ANKLE2: variants seen among roughly 807,000 people sequenced by gnomAD.
ANKLE2 encodes the protein ankyrin repeat and LEM domain containing 2, also known as ankyrin repeat and LEM domain-containing protein 2.
In ANKLE2, 55 loss-of-function variants were observed where a neutral mutation model predicts 84.2. The observed-to-expected ratio is 0.65, with a 90% CI of 0.53 to 0.82. The LOEUF (loss-of-function observed/expected upper bound fraction) is 0.82. Ranked by LOEUF, ANKLE2 falls within the 40% of genes least tolerant of loss-of-function variation. The probability of loss-of-function intolerance (pLI) is 0.00; values close to 1 mark genes in which losing one functional copy is unlikely to be tolerated. For synonymous variants in ANKLE2, 551 were observed against 486.1 expected (o/e 1.13, Z -1.76); for missense variants, 1,238 against 1,201.9 (o/e 1.03, Z -0.44).
chr12:132,728,582 A>AG (rs2136100717), intron 11 of ANKLE2, among the ~76,000 whole-genome samples: 1 of 152,364 alleles, frequency 6.6e-6, no homozygotes, highest in Admixed American at 6.5e-5. Flanking sequence ...ACAGTGTGCA[A>AG]GGATCGATCT....
intron 1 of ANKLE2, 200 bp downstream of exon 1, chr12:132,761,418 C>T (rs1034917055): frequency 4.9e-6 from 2 of 405,350 alleles, no homozygotes; most frequent in East Asian, 4.3e-5. Flanking sequence ...GGCCCCTCCG[C>T]CCCCGGCCCG....
intron 12 of ANKLE2, among the ~76,000 whole-genome samples, chr12:132,727,652 G>T (rs1178673968): frequency 6.6e-6 from 1 of 151,000 alleles, no homozygotes; most frequent in African/African-American, 2.4e-5. Context: ...CCGGGCGGAG[G>T]AGACACACTG....
At position 132,735,403 on chromosome 12, in the gene ANKLE2, T is replaced by C; in HGVS notation, c.1700+3A>G. The C allele has an allele frequency of 1.2e-6, 2 of 1,613,852 alleles. No homozygotes were observed. The highest frequency in any genetic ancestry group is 1.1e-5 in the South Asian group (1 of 91,078). On this transcript the variant is annotated splice_donor_region_variant and intron_variant, in intron 9 of 12. Transcript: ENST00000357997. Reference sequence around the variant, plus strand: ...ACGCTGCTGCGGCTCAGCCTTTCAGTACCTTCCCACTCTCTCAAAGCCTCT... The same window carrying C: ...ACGCTGCTGCGGCTCAGCCTTTCAGCACCTTCCCACTCTCTCAAAGCCTCT...
At position 132,743,467 on chromosome 12, in the gene ANKLE2, G is replaced by A. The variant is rs1235161417; in HGVS notation, c.1231-191C>T. On this transcript the variant is annotated intron_variant, in intron 5 of 12. Coordinates refer to ENST00000357997, the MANE Select transcript of ANKLE2 (RefSeq NM_015114.3). This position sits in a 1 kb window ranked among gnomAD's most constrained non-coding sequence, Gnocchi z 4.1. ...CGATTCTCCTGCCTCAGGCTCCCCAGTACCTGGGACTACAGGCACCCGCCA... is the reference window on the plus strand; with the variant it reads ...CGATTCTCCTGCCTCAGGCTCCCCAATACCTGGGACTACAGGCACCCGCCA... Among the ~76,000 whole-genome samples, 1 of 150,798 alleles carries A rather than the reference G, an allele frequency of 6.6e-6. No homozygotes were observed. Among genetic ancestry groups the A allele is most frequent in the African/African-American group, 2.4e-5 (1 of 41,034 alleles).
intron 7 of ANKLE2, 119 bp downstream of exon 7, chr12:132,741,300 G>T: frequency 2.1e-6 from 2 of 962,598 alleles, no homozygotes; most frequent in Non-Finnish European, 1.6e-6. Flanking sequence ...AGAGGCTTCC[G>T]AGGGGAGCCG....
intron 7 of ANKLE2, among the ~76,000 whole-genome samples, chr12:132,739,451 C>G (rs1433951757): frequency 6.6e-6 from 1 of 152,172 alleles, no homozygotes; most frequent in African/African-American, 2.4e-5. Flanking sequence ...TTTTTTCCCT[C>G]TTTCAGTGGC....
At chr12:132,761,410 C>A (rs2044622095) in intron 1 of ANKLE2, 2 of 380,482 alleles carry the variant, frequency 5.3e-6, no homozygotes, top group Non-Finnish European at 8.9e-6. Context: ...CCCGGCGTGG[C>A]CCCTCCGCCC....
At chr12:132,755,556 A>AG (rs2044462161) in intron 1 of ANKLE2, 1 of 153,478 alleles carries the variant, frequency 6.5e-6, no homozygotes, top group African/African-American at 2.4e-5. Flanking sequence ...AAAAAAAAAA[A>AG]AAGAATTTTT....
At chr12:132,753,498 G>C (rs1185618948) in intron 2 of ANKLE2, among the ~76,000 whole-genome samples, 1 of 152,150 alleles carries the variant, frequency 6.6e-6, no homozygotes, top group African/African-American at 2.4e-5. Context: ...GGGCGTGATG[G>C]CTCACACCTG....
chr12:132,758,939 ATCACGCAGT>A (rs1566041457), intron 1 of ANKLE2: 5 of 130,500 alleles, frequency 3.8e-5, no homozygotes, highest in Non-Finnish European at 6.6e-5. Flanking sequence ...GGCAGAGTGG[ATCACGCAGT>A]GTGGCACCCC....
chr12:132,759,347 T>C (rs969957804), intron 1 of ANKLE2: 2 of 152,174 alleles, frequency 1.3e-5, no homozygotes, highest in Non-Finnish European at 2.9e-5. Flanking sequence ...ACATTAAATA[T>C]GGGTTTTTGT....
intron 12 of ANKLE2, 89 bp from the exon 13 acceptor site, chr12:132,727,532 G>T: frequency 6.8e-7 from 1 of 1,466,936 alleles, no homozygotes. Context: ...CCAGACTCAG[G>T]CACATGCGCC....
At chr12:132,749,559 C>T (rs1157951000) in intron 3 of ANKLE2, among the ~76,000 whole-genome samples, 1 of 152,220 alleles carries the variant, frequency 6.6e-6, no homozygotes, top group African/African-American at 2.4e-5. Context: ...CCAGGAAGCA[C>T]CTGTATAAGG....
intron 10 of ANKLE2, chr12:132,731,541 C>G (rs988913497): frequency 6.6e-6 from 1 of 151,544 alleles, no homozygotes; most frequent in African/African-American, 2.4e-5. Flanking sequence ...CACACACACA[C>G]AGTTTAAACT....
chr12:132,747,436 G>A (rs1309547827), intron 5 of ANKLE2, among the ~76,000 whole-genome samples: 2 of 152,094 alleles, frequency 1.3e-5, no homozygotes, highest in African/African-American at 4.8e-5. Flanking sequence ...ATGGTTTGCA[G>A]GGGCAGCTCT....
chr12:132,752,830 A>T (rs2044385767), intron 2 of ANKLE2, among the ~76,000 whole-genome samples: 1 of 152,020 alleles, frequency 6.6e-6, no homozygotes, highest in Admixed American at 6.6e-5. Context: ...CTGAGTTCTC[A>T]TTTCTTTTTT....
intron 8 of ANKLE2, 104 bp downstream of exon 8, chr12:132,736,789 G>A: frequency 8.1e-6 from 11 of 1,363,038 alleles, no homozygotes; most frequent in Non-Finnish European, 9.9e-6. Context: ...GGCTCCACAG[G>A]ACATGGTCCC....
In ANKLE2 at chr12:132,732,954, G is replaced by A. The variant is rs536930749; in HGVS notation, c.1891+1431C>T. Among the ~76,000 whole-genome samples the A allele has an allele frequency of 8.8e-5, 12 of 136,572 alleles. No individual in the cohort carries two copies. The East Asian group carries it at 9.0e-4, about 10-fold the overall frequency. The allele number at this position is 136,572 out of a possible 152,430, so 89.6% of individuals were successfully genotyped here. ...ATATGCACCGTGTGAAGCTCTCTGC[G>A]TCCTGGTGTCTGAAATACACTGTGT... On this transcript the variant is annotated intron_variant, in intron 10 of 12. Transcript: ENST00000357997.
At position 132,746,348 on chromosome 12, in the gene ANKLE2, C is replaced by CAAAA. The variant is rs566130639; in HGVS notation, c.1230+1480_1230+1483dup. Among the ~76,000 whole-genome samples, 48 of 66,516 alleles carry CAAAA rather than the reference C, an allele frequency of 7.2e-4. No homozygotes were observed. In the East Asian group the frequency reaches 0.019, roughly 27 times the overall value. 43.6% of individuals were successfully genotyped at this position (66,516 alleles called of 152,430 possible). A position where few individuals can be genotyped will look rare whatever the true frequency, so the allele number is the denominator to read the frequency against. On this transcript the variant is annotated intron_variant, in intron 5 of 12. Coordinates refer to ENST00000357997, the MANE Select transcript of ANKLE2 (RefSeq NM_015114.3). ...TGGGAGACAGAGCAAGACTCTGTCT[C>CAAAA]AAAAAAAAAAAAAAAAAAAGAATCA...
Sources: gnomAD v4.1 joint callset for allele counts (sites outside exome capture counted in the v4.1 genomes callset) on GRCh38, gnomAD v4.1.1 for gene constraint, Gnocchi (gnomAD v3.1) non-coding constraint, MANE v1.5 for transcripts, NCBI Gene and HGNC (gene_info 2026-07-23, HGNC 2026-07-21) for gene names.